Variants in RPL13 observed in about 807,000 individuals in gnomAD.
RPL13 encodes large ribosomal subunit protein eL13.
In RPL13, 1 loss-of-function variant was observed where a neutral mutation model predicts 21.4. The observed-to-expected ratio is 0.05, with a 90% CI of 0.02 to 0.22. The LOEUF is 0.22. Ranked by LOEUF, RPL13 falls within the 10% of genes least tolerant of loss-of-function variation. The pLI is 1.00. For synonymous variants in RPL13, 143 were observed against 120.5 expected (o/e 1.19, Z -1.23); for missense variants, 289 against 303.0 (o/e 0.95, Z 0.34).
chr16:89,562,846 G>C, intron 5 of RPL13, 38 bp from the exon 6 acceptor site: 1 of 1,486,368 alleles, frequency 6.7e-7, no homozygotes, highest in Non-Finnish European at 8.9e-7. Flanking sequence ...CTTGCCCTTT[G>C]GTGCATGTGG....
intron 5 of RPL13, chr16:89,562,671 C>T: frequency 3.5e-6 from 2 of 577,834 alleles, no homozygotes; most frequent in Non-Finnish European, 5.8e-6. Flanking sequence ...GCTGGGTTTA[C>T]AGGCTTGAGC....
chr16:89,566,749 GC>G (rs370792629), downstream of RPL13: 671 of 152,148 alleles, frequency 4.4e-3, 8 homozygotes, highest in African/African-American at 0.015. Flanking sequence ...CGTGTACCTC[GC>G]CCATCCAGGC....
intron 4 of RPL13, 88 bp from the exon 5 acceptor site, chr16:89,562,247 T>G: frequency 1.6e-6 from 2 of 1,265,770 alleles, no homozygotes; most frequent in Non-Finnish European, 2.3e-6. Flanking sequence ...GAACACGGAA[T>G]CCCCAGGGGA....
At chr16:89,566,779 T>C (rs1018096347), downstream of RPL13, 4 of 152,220 alleles carry the variant, frequency 2.6e-5, no homozygotes, top group African/African-American at 7.2e-5. Context: ...ATTTGGAATC[T>C]GGTTATCCTG....
Position 89,561,211 on chromosome 16 carries a change from C to G in RPL13, c.105-16C>G. 1 of 1,536,958 alleles carries G rather than the reference C, an allele frequency of 6.5e-7. No homozygotes were observed. The highest frequency in any genetic ancestry group is 2.4e-5 in the East Asian group (1 of 41,018). On this transcript the variant is annotated splice_polypyrimidine_tract_variant and intron_variant, in intron 2 of 5. Coordinates refer to ENST00000311528, the MANE Select transcript of RPL13 (RefSeq NM_000977.4). ...CCTTAGGCAAGGGTGACCGCCGCTG[C>G]GCTTCTCTCCACCAGACGTAAGGCC...
chr16:89,565,472 C>G (rs960424765), downstream of RPL13: 3 of 152,262 alleles, frequency 2.0e-5, no homozygotes, highest in African/African-American at 7.2e-5. Flanking sequence ...GCAAGATCTC[C>G]TGATCCAGGT....
chr16:89,563,052 G>C lies in RPL13; in HGVS notation c.*10G>C. ...TGAAAAGAAAAAATAAAGCCCTCCT[G>C]GGGACTTGGAATCAGTCGGCAGTCA... On this transcript the variant is annotated 3_prime_UTR_variant, in exon 6 of 6. Transcript: ENST00000311528. 9 of 1,498,610 alleles carry C rather than the reference G, an allele frequency of 6.0e-6. No homozygotes were observed. Among genetic ancestry groups the C allele is most frequent in the Non-Finnish European group, 8.0e-6 (9 of 1,121,174 alleles). The allele number at this position is 1,498,610 out of a possible 1,614,324, so 92.8% of individuals were successfully genotyped here.
At position 89,561,230 on chromosome 16, in the gene RPL13, T is replaced by C. The variant is rs1034935838; in HGVS notation, c.108T>C (p.Arg36=). ...CCGCTGCGCTTCTCTCCACCAGACGTAAGGCCCGGCAAGCCAAGGCGCGCC... is the reference window on the plus strand; with the variant it reads ...CCGCTGCGCTTCTCTCCACCAGACGCAAGGCCCGGCAAGCCAAGGCGCGCC... ...FNQPARKIRR[R]KARQAKARRI... Residue 36 remains arginine, a synonymous_variant, in exon 3 of 6, where the codon CGT becomes CGC. Transcript: ENST00000311528. 3.9e-5 allele frequency: 60 copies of C among 1,542,942 alleles called. No homozygotes were observed. The highest frequency in any genetic ancestry group is 1.9e-4 in the Admixed American group (10 of 51,588).
At chr16:89,562,426 C>G (rs367842971) in intron 5 of RPL13, 35 bp downstream of exon 5, 32 of 1,601,838 alleles carry the variant, frequency 2.0e-5, no homozygotes, top group African/African-American at 2.7e-5. Context: ...AGGCTTCAGA[C>G]GAGATCAGTG....
At chr16:89,562,739 A>G (rs934699837) in intron 5 of RPL13, 145 bp from the exon 6 acceptor site, 16 of 748,436 alleles carry the variant, frequency 2.1e-5, no homozygotes, top group Non-Finnish European at 2.9e-5. Flanking sequence ...AGGGAAGGTG[A>G]TTGACTCAGG....
At chr16:89,562,014 A>G in intron 4 of RPL13, 1 of 589,652 alleles carries the variant, frequency 1.7e-6, no homozygotes, top group Non-Finnish European at 3.0e-6. Flanking sequence ...AAATATTTCT[A>G]GAAAGACCTT....
At chr16:89,566,820 C>T (rs2152415657), downstream of RPL13, 1 of 152,224 alleles carries the variant, frequency 6.6e-6, no homozygotes, top group African/African-American at 2.4e-5. Flanking sequence ...TATGTAATTG[C>T]AAATCATTTA....
rs2058744965 is a variant in RPL13 at position 89,561,557 on chromosome 16, C to T, written c.247-21C>T. 4 of 1,613,036 alleles carry T rather than the reference C, an allele frequency of 2.5e-6. No homozygotes were observed. The East Asian group carries it at 8.9e-5, about 36-fold the overall frequency. On this transcript the variant is annotated intron_variant, in intron 3 of 5. Transcript: ENST00000311528. ...GGAGAAAGCCCGGGCCTGTCTCCATCTCTCTCTGGTTCTGGGGCAGGTGGC... is the reference window on the plus strand; with the variant it reads ...GGAGAAAGCCCGGGCCTGTCTCCATTTCTCTCTGGTTCTGGGGCAGGTGGC...
chr16:89,561,106 G>T (rs2058740259), intron 2 of RPL13, 43 bp downstream of exon 2: 1 of 1,564,704 alleles, frequency 6.4e-7, no homozygotes. Context: ...TCGTGCCCGC[G>T]GCTGCGCCTT....
At chr16:89,561,525 C>G (rs200606302) in intron 3 of RPL13, 53 bp from the exon 4 acceptor site, 1 of 1,612,558 alleles carries the variant, frequency 6.2e-7, no homozygotes, top group Admixed American at 1.7e-5. Context: ...ATCCAGGCCT[C>G]GGGGCTGGAG....
intron 4 of RPL13, 28 bp from the exon 5 acceptor site, chr16:89,562,307 C>G (rs368971314): frequency 6.2e-7 from 1 of 1,611,962 alleles, no homozygotes; most frequent in African/African-American, 1.3e-5. Context: ...GCGGCCAACC[C>G]CACTTAACTC....
downstream of RPL13, chr16:89,564,895 AC>A (rs1410589119): frequency 2.0e-5 from 3 of 152,270 alleles, no homozygotes; most frequent in Non-Finnish European, 4.4e-5. Flanking sequence ...CCATGTGGTG[AC>A]GTGAATGGAG....
intron 4 of RPL13, 52 bp from the exon 5 acceptor site, chr16:89,562,283 G>A (rs1264285830): frequency 1.9e-6 from 3 of 1,582,938 alleles, no homozygotes; most frequent in Non-Finnish European, 2.6e-6. Flanking sequence ...TGAGGGTGGA[G>A]TCCTTGCAGC....
chr16:89,561,363 C>T lies in RPL13; in HGVS notation c.241C>T (p.Leu81Phe), dbSNP rs760169834. The T allele has an allele frequency of 7.5e-6, 12 of 1,607,718 alleles. No homozygotes were observed. The highest frequency in any genetic ancestry group is 1.3e-5 in the African/African-American group (1 of 74,940). ...RAGRGFSLEE[L>F]RVAGIHKKVA... ...CGGCCGCGGCTTCAGCCTGGAGGAGCTCAGGGTGAGTACTGGCAGCGCTGC... is the reference window on the plus strand; with the variant it reads ...CGGCCGCGGCTTCAGCCTGGAGGAGTTCAGGGTGAGTACTGGCAGCGCTGC... Residue 81 changes from leucine to phenylalanine, a missense_variant, in exon 3 of 6, where the codon CTC (leucine) becomes TTC (phenylalanine). Physicochemically the swap from Leu to Phe is conservative, Grantham distance 22. Coordinates refer to ENST00000311528, the MANE Select transcript of RPL13 (RefSeq NM_000977.4).
Sources: gnomAD v4.1 joint callset for allele counts on GRCh38, gnomAD v4.1.1 for gene constraint, MANE v1.5 for transcripts, NCBI Gene and HGNC (gene_info 2026-07-23, HGNC 2026-07-21) for gene names.